Variants in FBXO15 observed in about 807,000 individuals in gnomAD.
FBXO15 encodes F-box only protein 15.
In FBXO15, 30 loss-of-function variants were observed where a neutral mutation model predicts 49.5. The observed-to-expected ratio is 0.61, with a 90% CI of 0.45 to 0.82. FBXO15 has a LOEUF of 0.82. Ranked by LOEUF, FBXO15 falls within the 40% of genes least tolerant of loss-of-function variation. FBXO15 has a pLI of 0.00. For synonymous variants in FBXO15, 250 were observed against 232.7 expected (o/e 1.07, Z -0.68); for missense variants, 591 against 631.5 (o/e 0.94, Z 0.69).
At chr18:74,105,081 A>G (rs1030026271) in intron 8 of FBXO15, among the ~76,000 whole-genome samples, 5 of 152,222 alleles carry the variant, frequency 3.3e-5, no homozygotes, top group Non-Finnish European at 7.3e-5. Flanking sequence ...CAAATATTGC[A>G]CGTTCTCACT....
intron 2 of FBXO15, among the ~76,000 whole-genome samples, chr18:74,139,399 C>T (rs1348007898): frequency 2.6e-5 from 4 of 152,190 alleles, no homozygotes; most frequent in African/African-American, 9.6e-5. Flanking sequence ...TATCAGATGC[C>T]TGTAAAACAG....
At chr18:74,119,921 G>A (rs569825316) in intron 8 of FBXO15, among the ~76,000 whole-genome samples, 5 of 152,174 alleles carry the variant, frequency 3.3e-5, no homozygotes, top group Admixed American at 6.5e-5. Context: ...TCATCTCTGT[G>A]GAAATCGCAT....
intron 7 of FBXO15, among the ~76,000 whole-genome samples, chr18:74,123,794 T>A (rs1423533102): frequency 6.6e-6 from 1 of 152,078 alleles, no homozygotes; most frequent in Non-Finnish European, 1.5e-5. Context: ...ATGGCCACTC[T>A]ATAAAAGCCA....
At chr18:74,104,211 T>C (rs1299204356) in intron 8 of FBXO15, among the ~76,000 whole-genome samples, 1 of 152,156 alleles carries the variant, frequency 6.6e-6, no homozygotes, top group Non-Finnish European at 1.5e-5. Flanking sequence ...TAAGTTTTCA[T>C]CTCTTTAAAA....
At chr18:74,129,362 T>A (rs756168996) in intron 5 of FBXO15, 43 bp downstream of exon 5, 16 of 1,532,126 alleles carry the variant, frequency 1.0e-5, no homozygotes, top group Non-Finnish European at 1.4e-5. Context: ...AATATTTACA[T>A]ATAAGATGCT....
intron 8 of FBXO15, among the ~76,000 whole-genome samples, chr18:74,111,251 G>C (rs1568168858): frequency 7.4e-6 from 1 of 135,388 alleles, no homozygotes. Flanking sequence ...GATCACCTGA[G>C]TCTCTGTCTC....
Position 74,147,667 on chromosome 18 carries a change from C to A in FBXO15, c.116+3G>T. Reference sequence around the variant, plus strand: ...GGACCCCACCCGCAGGCCCTACAGTCACCTGCACCCAAAGGCCCTGGCGCG... The same window carrying A: ...GGACCCCACCCGCAGGCCCTACAGTAACCTGCACCCAAAGGCCCTGGCGCG... On this transcript the variant is annotated splice_donor_region_variant and intron_variant, in intron 1 of 9. Coordinates refer to ENST00000419743, the MANE Select transcript of FBXO15 (RefSeq NM_001142958.2). 6.8e-7 allele frequency: 1 copy of A among 1,466,692 alleles called. No individual in the cohort carries two copies. Among genetic ancestry groups the A allele is most frequent in the South Asian group, 1.3e-5 (1 of 74,906 alleles). The allele number at this position is 1,466,692 out of a possible 1,614,324, so 90.9% of individuals were successfully genotyped here. A position where few individuals can be genotyped will look rare whatever the true frequency, so the allele number is the denominator to read the frequency against.
intron 1 of FBXO15, among the ~76,000 whole-genome samples, chr18:74,145,157 TA>T (rs1463814895): frequency 6.6e-6 from 1 of 152,204 alleles, no homozygotes; most frequent in Non-Finnish European, 1.5e-5. Context: ...TATCTTTGGC[TA>T]AAACATTTAA....
intron 1 of FBXO15, among the ~76,000 whole-genome samples, chr18:74,143,328 C>T (rs770667349): frequency 2.0e-5 from 3 of 152,076 alleles, no homozygotes; most frequent in Non-Finnish European, 4.4e-5. Context: ...AAAGTAAATT[C>T]ATCTGATGGA....
intron 8 of FBXO15, among the ~76,000 whole-genome samples, chr18:74,121,004 A>G (rs886460739): frequency 4.6e-5 from 7 of 152,182 alleles, no homozygotes; most frequent in Admixed American, 2.6e-4. Flanking sequence ...TAGATTCTAT[A>G]GACATGAAAA....
At chr18:74,103,279 G>C (rs575062967) in intron 8 of FBXO15, among the ~76,000 whole-genome samples, 3 of 151,732 alleles carry the variant, frequency 2.0e-5, no homozygotes, top group African/African-American at 7.3e-5. Context: ...GCAAAGAAAA[G>C]TATCAGTGAG....
At chr18:74,128,985 T>C (rs1978306592) in intron 5 of FBXO15, among the ~76,000 whole-genome samples, 1 of 152,170 alleles carries the variant, frequency 6.6e-6, no homozygotes, top group African/African-American at 2.4e-5. Context: ...AGATCACATA[T>C]CTAGTAAGTT....
chr18:74,124,674 A>T (rs1914627810), intron 6 of FBXO15, 103 bp from the exon 7 acceptor site: 1 of 939,004 alleles, frequency 1.1e-6, no homozygotes, highest in African/African-American at 1.6e-5. Context: ...AGATAGAGGC[A>T]CTTTCTTACA....
intron 1 of FBXO15, among the ~76,000 whole-genome samples, chr18:74,142,882 C>G (rs1599196102): frequency 6.6e-6 from 1 of 152,234 alleles, no homozygotes; most frequent in Admixed American, 6.5e-5. Flanking sequence ...TATTTAAAAG[C>G]ATGACTTATT....
intron 8 of FBXO15, among the ~76,000 whole-genome samples, chr18:74,086,468 G>A (rs907905270): frequency 6.6e-6 from 1 of 152,164 alleles, no homozygotes; most frequent in Non-Finnish European, 1.5e-5. Flanking sequence ...TCACTCTGTC[G>A]CACAGGCTGC....
At position 74,140,272 on chromosome 18, in the gene FBXO15, G is replaced by A; in HGVS notation, c.157C>T (p.Leu53=). The change falls in exon 2 of 10, where the codon CTG becomes TTG. Residue 53 remains leucine, a synonymous_variant. Transcript: ENST00000419743. Reference sequence around the variant, plus strand: ...TGTCCACCTCCGGCATGGCACCTCAGGGCAGCAGAGCCTGCAGAAAGCTTG... The same window carrying A: ...TGTCCACCTCCGGCATGGCACCTCAAGGCAGCAGAGCCTGCAGAAAGCTTG... ...GVKLSAGSAA[L]RCHAGGGQHW... is the part of the protein sequence containing the mutation. 1 of 1,551,408 alleles carries A rather than the reference G, an allele frequency of 6.4e-7. No individual in the cohort carries two copies. Among genetic ancestry groups the A allele is most frequent in the Non-Finnish European group, 8.7e-7 (1 of 1,146,920 alleles).
At chr18:74,116,233 G>A (rs1914223888) in intron 8 of FBXO15, among the ~76,000 whole-genome samples, 1 of 152,164 alleles carries the variant, frequency 6.6e-6, no homozygotes, top group South Asian at 2.1e-4. Context: ...CTATACTGTG[G>A]TGGCTACATG....
intron 8 of FBXO15, among the ~76,000 whole-genome samples, chr18:74,118,295 T>A (rs964125707): frequency 6.6e-6 from 1 of 151,812 alleles, no homozygotes; most frequent in Non-Finnish European, 1.5e-5. Context: ...CCACACCACA[T>A]CACATAAAGG....
chr18:74,138,993 G>A (rs1252355069), intron 2 of FBXO15, among the ~76,000 whole-genome samples: 1 of 152,070 alleles, frequency 6.6e-6, no homozygotes, highest in Non-Finnish European at 1.5e-5. Flanking sequence ...CCAGAGCCTG[G>A]TAGCCCCACC....
Sources: allele counts gnomAD v4.1 joint callset (sites outside exome capture counted in the v4.1 genomes callset), GRCh38; gene constraint gnomAD v4.1.1; transcripts MANE v1.5; gene names NCBI Gene and HGNC (gene_info 2026-07-23, HGNC 2026-07-21).